PTPRS: variants seen among roughly 807,000 people sequenced by gnomAD.
PTPRS encodes protein tyrosine phosphatase receptor type S, also known as receptor-type tyrosine-protein phosphatase S.
In PTPRS, 63 loss-of-function variants were observed where a neutral mutation model predicts 215.3. The ratio of observed to expected loss-of-function variants is 0.29; its 90% CI spans 0.24 to 0.36. The LOEUF is 0.36. PTPRS is among the 10% of genes least tolerant of loss of function. The pLI, the probability that PTPRS is intolerant of heterozygous loss-of-function variation, is 1.00. For missense variants in PTPRS, 2,258 were observed against 2,825.8 expected (o/e 0.80, Z 4.56); for synonymous variants, 1,404 against 1,191.4 (o/e 1.18, Z -3.68).
rs1417008902 is a variant in PTPRS at position 5,206,089 on chromosome 19, A to G, written c.*685T>C. Among the ~76,000 whole-genome samples the G allele has an allele frequency of 6.7e-6, 1 of 148,640 alleles. No homozygotes were observed. Among genetic ancestry groups the G allele is most frequent in the Non-Finnish European group, 1.5e-5 (1 of 67,176 alleles). ...AAAAAAAAAAAAAAAAAAAAAGCCAAGGTACAGCCATGGGCCTGGCGTGCG... is the reference window on the plus strand; with the variant it reads ...AAAAAAAAAAAAAAAAAAAAAGCCAGGGTACAGCCATGGGCCTGGCGTGCG... On this transcript the variant is annotated 3_prime_UTR_variant, in exon 38 of 38. Coordinates refer to ENST00000262963, the MANE Select transcript of PTPRS (RefSeq NM_002850.4).
chr19:5,235,910 G>A (rs1210215789), intron 13 of PTPRS, among the ~76,000 whole-genome samples: 1 of 152,206 alleles, frequency 6.6e-6, no homozygotes, highest in African/African-American at 2.4e-5. Flanking sequence ...GCCAGACGCT[G>A]TGCTGAGGGC....
At position 5,212,438 on chromosome 19, in the gene PTPRS, C is replaced by G. The variant is rs115646246; in HGVS notation, c.4668G>C (p.Pro1556=). 1 of 1,599,352 alleles carries G rather than the reference C, an allele frequency of 6.3e-7. No individual in the cohort carries two copies. The highest frequency in any genetic ancestry group is 1.3e-5 in the African/African-American group (1 of 74,566). ...EVRQFQFTAW[P]DHGVPEYPTP... ...TTGGGTATTCGGGCACGCCATGGTC[C>G]GGCCACGCCGTAAACTGGAACTGGC... Residue 1556 remains proline, a synonymous_variant, in exon 31 of 38, where the codon CCG becomes CCC. Coordinates refer to ENST00000262963, the MANE Select transcript of PTPRS (RefSeq NM_002850.4).
At position 5,219,371 on chromosome 19, in the gene PTPRS, C is replaced by G; in HGVS notation, c.3862G>C (p.Gly1288Arg). 6.2e-7 allele frequency: 1 copy of G among 1,613,912 alleles called. No individual in the cohort carries two copies. The highest frequency in any genetic ancestry group is 8.5e-7 in the Non-Finnish European group (1 of 1,179,940). The stretch of plus-strand genomic sequence containing the variant: ...ATGAAGACCACGGCCAGCACAGGCC[C>G]GATCACCCAGATAAGCCCCTCCTCG... ...DGEEGLIWVI[G>R]PVLAVVFIIC... The change falls in exon 23 of 38, where the codon GGG becomes CGG. Residue 1288 changes from glycine (G) to arginine (R), a missense_variant. Around this residue, in one of 6 missense-constraint regions of PTPRS, gnomAD observed 927 missense variants for 1,125.9 expected, o/e 0.82. Coordinates refer to ENST00000262963, the MANE Select transcript of PTPRS (RefSeq NM_002850.4).
In PTPRS at chr19:5,214,602, C is replaced by T. The variant is rs765806159; in HGVS notation, c.4453G>A (p.Ala1485Thr). Reference sequence around the variant, plus strand: ...AGCCGCGTCATCATGACGATGGTCGCCGACCGCTGCTCCCACACCATACGC... The same window carrying T: ...AGCCGCGTCATCATGACGATGGTCGTCGACCGCTGCTCCCACACCATACGC... ...FWRMVWEQRS[A>T]TIVMMTRLEE... Residue 1485 changes from alanine (A) to threonine (T), a missense_variant, in exon 29 of 38, where the codon GCG becomes ACG. Ala to Thr is a moderately conservative substitution (Grantham distance 58, BLOSUM62 0). This residue lies in a region of PTPRS where 927 missense variants were observed against 1,125.9 expected (regional missense o/e 0.82). Coordinates refer to ENST00000262963, the MANE Select transcript of PTPRS (RefSeq NM_002850.4). The T allele has an allele frequency of 2.7e-5, 43 of 1,612,460 alleles. No homozygotes were observed. The highest frequency in any genetic ancestry group is 1.8e-4 in the South Asian group (16 of 91,084).
intron 1 of PTPRS, among the ~76,000 whole-genome samples, chr19:5,324,804 G>A (rs889177743): frequency 3.3e-5 from 5 of 152,134 alleles, no homozygotes; most frequent in East Asian, 1.9e-4. Flanking sequence ...GGTGGGATCC[G>A]TGTCAGCACC....
chr19:5,268,750 C>T (rs771697079), intron 4 of PTPRS, among the ~76,000 whole-genome samples: 13 of 152,188 alleles, frequency 8.5e-5, no homozygotes, highest in Non-Finnish European at 1.9e-4. Context: ...GAGGGGGAAA[C>T]GGAGGCACAG....
intron 13 of PTPRS, among the ~76,000 whole-genome samples, chr19:5,232,483 G>A (rs539460650): frequency 1.3e-5 from 2 of 151,638 alleles, no homozygotes; most frequent in South Asian, 4.2e-4. Flanking sequence ...ATGCCAAGGG[G>A]AACAGCAATA....
At chr19:5,312,976 A>G (rs757297624) in intron 1 of PTPRS, among the ~76,000 whole-genome samples, 8 of 152,162 alleles carry the variant, frequency 5.3e-5, no homozygotes, top group Non-Finnish European at 1.2e-4. Flanking sequence ...GTGCAGAGGC[A>G]CGATCTCGGC....
chr19:5,225,748 C>T lies in PTPRS; in HGVS notation c.2473G>A (p.Val825Met). 2 of 1,614,056 alleles carry T rather than the reference C, an allele frequency of 1.2e-6. No homozygotes were observed. The highest frequency in any genetic ancestry group is 1.7e-6 in the Non-Finnish European group (2 of 1,179,992). ...ATACCTGCTCCCTTGGTCACAACCACCTTGGGTTTGCTGCGAGCGCCATCG... is the reference window on the plus strand; with the variant it reads ...ATACCTGCTCCCTTGGTCACAACCATCTTGGGTTTGCTGCGAGCGCCATCG... Reference protein sequence around the residue: ...KGDGARSKPKVVVTKGAVLGR... With the variant: ...KGDGARSKPKMVVTKGAVLGR... Residue 825 changes from valine to methionine, a missense_variant, in exon 17 of 38, where the codon GTG becomes ATG. Transcript: ENST00000262963.
At chr19:5,281,347 G>A (rs920107670) in intron 2 of PTPRS, among the ~76,000 whole-genome samples, 1 of 152,078 alleles carries the variant, frequency 6.6e-6, no homozygotes, top group Admixed American at 6.5e-5. Context: ...TGTAATCCCA[G>A]CTACTCGGGA....
chr19:5,219,926 A>G lies in PTPRS; in HGVS notation c.3765+13T>C, dbSNP rs766379389. The G allele has an allele frequency of 1.2e-6, 2 of 1,612,808 alleles. No homozygotes were observed. The highest frequency in any genetic ancestry group is 1.7e-6 in the Non-Finnish European group (2 of 1,179,102). ...GTGTGTCTGGATGTGGGCGGACACC[A>G]TTCAGGACTTACAGGCTCGCTCTTC... On this transcript the variant is annotated intron_variant, in intron 22 of 37. Coordinates refer to ENST00000262963, the MANE Select transcript of PTPRS (RefSeq NM_002850.4).
At chr19:5,298,403 C>G (rs115837718) in intron 1 of PTPRS, among the ~76,000 whole-genome samples, 3 of 152,230 alleles carry the variant, frequency 2.0e-5, no homozygotes, top group South Asian at 2.1e-4. Context: ...CCCCCTCCCC[C>G]AGCCTGTCTG....
Position 5,231,615 on chromosome 19 carries a change from T to C in PTPRS, c.1850A>G (p.Lys617Arg), listed in dbSNP as rs1330682967. 2.8e-6 allele frequency: 2 copies of C among 713,222 alleles called. No individual in the cohort carries two copies. Among genetic ancestry groups the C allele is most frequent in the Non-Finnish European group, 3.5e-6 (2 of 564,448 alleles). 44.2% of individuals were successfully genotyped at this position (713,222 alleles called of 1,614,324 possible). A position where few individuals can be genotyped will look rare whatever the true frequency, so the allele number is the denominator to read the frequency against. ...AACGTCTTGAGGGGGGGCTGACGGT[T>C]CTATTGGAGGGGGGGAGAACGTGGG... Reference protein sequence around the residue: ...PVVRQRTLQSKPSAPPQDVKC... With the variant: ...PVVRQRTLQSRPSAPPQDVKC... The change falls in exon 14 of 38, where the codon AAA becomes AGA. Residue 617 changes from lysine to arginine, a missense_variant and splice_region_variant. This residue lies in a region of PTPRS where 371 missense variants were observed against 446.7 expected (regional missense o/e 0.83). Transcript: ENST00000262963.
chr19:5,218,806 C>G lies in PTPRS; in HGVS notation c.3924-8G>C. On this transcript the variant is annotated splice_polypyrimidine_tract_variant and splice_region_variant and intron_variant, in intron 23 of 37. Coordinates refer to ENST00000262963, the MANE Select transcript of PTPRS (RefSeq NM_002850.4). ...TCTTACCTGTCGGGTTTGCTGTTCC[C>G]GAAAGCAGACACAGGTGAGAAGGGG... 6.2e-7 allele frequency: 1 copy of G among 1,601,414 alleles called. No individual in the cohort carries two copies. The highest frequency in any genetic ancestry group is 8.5e-7 in the Non-Finnish European group (1 of 1,175,654).
intron 1 of PTPRS, among the ~76,000 whole-genome samples, chr19:5,304,505 C>T (rs867383337): frequency 2.6e-5 from 4 of 151,848 alleles, no homozygotes; most frequent in South Asian, 2.1e-4. Context: ...AAAAATTAGC[C>T]AGGCATGGTG....
chr19:5,260,356 T>G (rs977776851), intron 7 of PTPRS, among the ~76,000 whole-genome samples: 1 of 151,932 alleles, frequency 6.6e-6, no homozygotes, highest in Non-Finnish European at 1.5e-5. Flanking sequence ...ATTTTTGTGT[T>G]TTTAGTAGAG....
intron 1 of PTPRS, among the ~76,000 whole-genome samples, chr19:5,329,942 T>C (rs2050271645): frequency 6.6e-6 from 1 of 151,672 alleles, no homozygotes; most frequent in African/African-American, 2.4e-5. Flanking sequence ...CCGCCGAGCA[T>C]GGTGGCACAT....
chr19:5,295,440 G>A lies in PTPRS; in HGVS notation c.-94-9206C>T, dbSNP rs368019966. ...GTTGGCAGGGGACACAGCCACCCCC[G>A]AGGGGCTGGGGGAGGTGGGCCAGGT... On this transcript the variant is annotated intron_variant, in intron 1 of 37. Transcript: ENST00000262963. The surrounding 1 kb of genome is among the most constrained non-coding windows in gnomAD (Gnocchi z 4.6). Among the ~76,000 whole-genome samples, 40 of 152,264 alleles carry A rather than the reference G, an allele frequency of 2.6e-4. No homozygotes were observed. In the East Asian group the frequency reaches 7.0e-3, roughly 27 times the overall value.
intron 17 of PTPRS, among the ~76,000 whole-genome samples, chr19:5,224,961 G>T (rs1011181808): frequency 1.3e-5 from 2 of 152,094 alleles, no homozygotes; most frequent in Non-Finnish European, 2.9e-5. Context: ...TCAGTCGATT[G>T]TTCCTGAAAC....
Sources: allele counts gnomAD v4.1 joint callset (sites outside exome capture counted in the v4.1 genomes callset), GRCh38; gene constraint gnomAD v4.1.1; regional missense constraint gnomAD v4.1.1; non-coding constraint Gnocchi (gnomAD v3.1); transcripts MANE v1.5; gene names NCBI Gene and HGNC (gene_info 2026-07-23, HGNC 2026-07-21).